The following CRPPA variants were observed in gnomAD, a reference collection of about 807,000 sequenced individuals.
CRPPA encodes the protein CDP-L-ribitol pyrophosphorylase A.
In CRPPA, 43 loss-of-function variants were observed where a neutral mutation model predicts 52.0. That is an observed-to-expected ratio of 0.83 (90% confidence interval 0.65 to 1.07). The LOEUF is 1.07. CRPPA is among the 50% of genes least tolerant of loss of function. The probability of loss-of-function intolerance (pLI) is 0.00; values close to 1 mark genes in which losing one functional copy is unlikely to be tolerated. For synonymous variants in CRPPA, 250 were observed against 203.5 expected (o/e 1.23, Z -1.94); for missense variants, 629 against 551.7 (o/e 1.14, Z -1.40).
intron 3 of CRPPA, among the ~76,000 whole-genome samples, chr7:16,361,277 AC>A (rs138580702): frequency 6.6e-6 from 1 of 152,338 alleles, no homozygotes; most frequent in African/African-American, 2.4e-5. Flanking sequence ...TAAAAATGGT[AC>A]AGCCACTATG....
chr7:16,297,400 T>C (rs531148712), intron 5 of CRPPA, among the ~76,000 whole-genome samples: 2 of 152,306 alleles, frequency 1.3e-5, no homozygotes, highest in African/African-American at 4.8e-5. Context: ...GATATTCTAG[T>C]TCCCTATAAG....
chr7:16,157,524 A>G (rs977162721), intron 9 of CRPPA, among the ~76,000 whole-genome samples: 1 of 152,168 alleles, frequency 6.6e-6, no homozygotes, highest in African/African-American at 2.4e-5. Context: ...TGAAATTTGA[A>G]TTTCATATTT....
intron 9 of CRPPA, among the ~76,000 whole-genome samples, chr7:16,114,866 C>T (rs1782338162): frequency 6.6e-6 from 1 of 151,332 alleles, no homozygotes; most frequent in African/African-American, 2.4e-5. Flanking sequence ...CTAGTCAAAT[C>T]CACAAGAAAT....
chr7:16,188,400 T>C (rs151310347), intron 9 of CRPPA, among the ~76,000 whole-genome samples: 1 of 152,302 alleles, frequency 6.6e-6, no homozygotes, highest in African/African-American at 2.4e-5. Flanking sequence ...AAGATAGCAG[T>C]ATAGTTTCAA....
chr7:16,392,755 T>A (rs1190824788), intron 2 of CRPPA, among the ~76,000 whole-genome samples: 1 of 152,146 alleles, frequency 6.6e-6, no homozygotes, highest in Non-Finnish European at 1.5e-5. Context: ...CTCATTTTTA[T>A]GACTTTTAAA....
chr7:16,406,029 C>A lies in CRPPA; in HGVS notation c.534+32G>T, dbSNP rs554715287. On this transcript the variant is annotated intron_variant, in intron 2 of 9. Transcript: ENST00000407010. ...AATGAACCACACTACAGTGCTTGTC[C>A]CTTCTATCTAGACTCAAGAAAAAAG... is the stretch of plus-strand genomic sequence containing the variant. 6 of 1,595,086 alleles carry A rather than the reference C, an allele frequency of 3.8e-6. No homozygotes were observed. The African/African-American group carries it at 4.0e-5, about 11-fold the overall frequency.
intron 2 of CRPPA, among the ~76,000 whole-genome samples, chr7:16,393,682 AAAAC>A (rs1165829858): frequency 5.3e-5 from 8 of 152,164 alleles, no homozygotes; most frequent in African/African-American, 1.7e-4. Flanking sequence ...AAACCAGGCA[AAAAC>A]AAAAACCATA....
intron 9 of CRPPA, among the ~76,000 whole-genome samples, chr7:16,139,293 C>T (rs997911104): frequency 1.3e-5 from 2 of 152,082 alleles, no homozygotes. Flanking sequence ...TTCCTTTGCA[C>T]AGCAGAGGTA....
rs541783303 is a variant in CRPPA, at chr7:16,412,548, A to T, written c.258-6211T>A. Among the ~76,000 whole-genome samples the T allele has an allele frequency of 7.7e-4, 118 of 152,328 alleles. 1 individual carries two copies. The highest frequency in any genetic ancestry group is 2.5e-3 in the African/African-American group (105 of 41,586). ...ATACACCCAGTACTTGCAAGTCTTT[A>T]TAAGTACTGTTTGTATTTCTAAGGA... On this transcript the variant is annotated intron_variant, in intron 1 of 9. Transcript: ENST00000407010.
At chr7:16,339,028 A>G (rs886516598) in intron 3 of CRPPA, among the ~76,000 whole-genome samples, 60 of 151,936 alleles carry the variant, frequency 3.9e-4, no homozygotes, top group Admixed American at 3.9e-3. Context: ...CGTGGTCTCG[A>G]TCTCCTGACC....
At chr7:16,211,484 T>A (rs1782136492) in intron 9 of CRPPA, among the ~76,000 whole-genome samples, 5 of 152,216 alleles carry the variant, frequency 3.3e-5, no homozygotes, top group Admixed American at 3.3e-4. Flanking sequence ...ATGGAAAGTT[T>A]TGTGTGTTTA....
intron 2 of CRPPA, among the ~76,000 whole-genome samples, chr7:16,399,275 TACAC>T (rs760551135): frequency 6.6e-6 from 1 of 151,960 alleles, no homozygotes; most frequent in Non-Finnish European, 1.5e-5. Flanking sequence ...ACTGACACGA[TACAC>T]ATACGATTGA....
At chr7:16,253,367 G>A (rs538931251) in intron 8 of CRPPA, among the ~76,000 whole-genome samples, 211 of 152,286 alleles carry the variant, frequency 1.4e-3, no homozygotes, top group African/African-American at 4.6e-3. Context: ...TATTCACCCA[G>A]CAGTCATTCA....
At chr7:16,382,302 G>C (rs1384817705) in intron 2 of CRPPA, among the ~76,000 whole-genome samples, 5 of 152,142 alleles carry the variant, frequency 3.3e-5, no homozygotes, top group East Asian at 3.9e-4. Context: ...TTTTCTTTAA[G>C]AATGTTGAAT....
At position 16,279,022 on chromosome 7, in the gene CRPPA, G is replaced by A. The variant is rs188356326; in HGVS notation, c.836-796C>T. On this transcript the variant is annotated intron_variant, in intron 5 of 9. Coordinates refer to ENST00000407010, the MANE Select transcript of CRPPA (RefSeq NM_001101426.4). ...ATCTTTCTGTCTTATAATTAACAGC[G>A]GTTCTTCAAAGTTTCAGGCATCCTA... Among the ~76,000 whole-genome samples the A allele has an allele frequency of 3.6e-3, 546 of 152,112 alleles. 5 individuals carry two copies. The highest frequency in any genetic ancestry group is 0.012 in the African/African-American group (504 of 41,508).
At chr7:16,151,338 A>C (rs1398458001) in intron 9 of CRPPA, among the ~76,000 whole-genome samples, 1 of 152,204 alleles carries the variant, frequency 6.6e-6, no homozygotes, top group Non-Finnish European at 1.5e-5. Context: ...ATTTCTTAGA[A>C]AAAGTACTTA....
At position 16,256,036 on chromosome 7, in the gene CRPPA, T is replaced by C. The variant is rs547660107; in HGVS notation, c.1119+2354A>G. On this transcript the variant is annotated intron_variant, in intron 8 of 9. Coordinates refer to ENST00000407010, the MANE Select transcript of CRPPA (RefSeq NM_001101426.4). ...ACAGTATGGGAGAAAATGTTTGCAA[T>C]CTATCTATCTGACAAAGGTCGAATA... is the stretch of plus-strand genomic sequence containing the variant. Among the ~76,000 whole-genome samples the C allele has an allele frequency of 1.7e-4, 26 of 152,254 alleles. No individual in the cohort carries two copies. The South Asian group carries it at 5.2e-3, about 30-fold the overall frequency.
intron 9 of CRPPA, among the ~76,000 whole-genome samples, chr7:16,162,645 T>C (rs1780927656): frequency 6.6e-6 from 1 of 152,356 alleles, no homozygotes; most frequent in African/African-American, 2.4e-5. Flanking sequence ...GAGAAGAATG[T>C]ATATTCTGTT....
intron 5 of CRPPA, among the ~76,000 whole-genome samples, chr7:16,286,677 T>C (rs369196373): frequency 5.9e-5 from 9 of 152,232 alleles, no homozygotes; most frequent in African/African-American, 1.9e-4. Flanking sequence ...TGTATGTGAG[T>C]TGGCTAGGAA....
Sources: gnomAD v4.1 joint callset for allele counts (sites outside exome capture counted in the v4.1 genomes callset) on GRCh38, gnomAD v4.1.1 for gene constraint, MANE v1.5 for transcripts, NCBI Gene and HGNC (gene_info 2026-07-23, HGNC 2026-07-21) for gene names.